IRAK4: variants seen among roughly 807,000 people sequenced by gnomAD.
The protein encoded by IRAK4 is interleukin-1 receptor-associated kinase 4.
A neutral mutation model predicts 51.8 loss-of-function variants in IRAK4; 44 were observed. The observed-to-expected ratio is 0.85, with a 90% CI of 0.67 to 1.09. The LOEUF is 1.09. Among genes scored for constraint, IRAK4 ranks in the 50% least tolerant of loss-of-function variants. The pLI, the probability that IRAK4 is intolerant of heterozygous loss-of-function variation, is 0.00. For synonymous variants in IRAK4, 149 were observed against 174.1 expected, an observed-to-expected ratio of 0.86 and a Z score of 1.13; for missense variants, 487 against 538.0, an observed-to-expected ratio of 0.91 and a Z score of 0.94.
chr12:43,769,067 A>G (rs939362057), intron 2 of IRAK4, among the ~76,000 whole-genome samples: 12 of 152,202 alleles, frequency 7.9e-5, no homozygotes, highest in Non-Finnish European at 1.8e-4. Flanking sequence ...ATGTTTAAAG[A>G]TAATTTTTTG....
intron 8 of IRAK4, among the ~76,000 whole-genome samples, chr12:43,780,998 C>T (rs907244245): frequency 2.6e-5 from 4 of 152,218 alleles, no homozygotes; most frequent in Non-Finnish European, 5.9e-5. Context: ...AAAAACACTT[C>T]ATCTGGGTAT....
In IRAK4 at chr12:43,772,344, T is replaced by A; in HGVS notation, c.472T>A (p.Leu158Ile). 6.2e-7 allele frequency: 1 copy of A among 1,612,722 alleles called. No homozygotes were observed. The change falls in exon 4 of 12, where the codon TTA becomes ATA. Residue 158 changes from leucine to isoleucine, a missense_variant. By Grantham distance (5) the Leu-to-Ile change is conservative (BLOSUM62 2). Transcript: ENST00000613694. The stretch of plus-strand genomic sequence containing the variant: ...CTCCTCAAGTCCAGAAAATAAAAGT[T>A]TAGAAGTTAGTGATACACGTAAGTA... ...PDSSSPENKS[L>I]EVSDTRFHSF...
chr12:43,759,967 G>C (rs1348577112), intron 1 of IRAK4, among the ~76,000 whole-genome samples: 2 of 151,938 alleles, frequency 1.3e-5, no homozygotes, highest in African/African-American at 4.8e-5. Flanking sequence ...CTTCAAAAAC[G>C]TAACTGCCCA....
rs1258450882 is a variant in IRAK4, at chr12:43,787,688, C to A, written c.*973C>A. ...ACAGCCTGGGCTGACACCTGGATTT[C>A]AGCTTTGCATGATCCTCAGTATGAG... On this transcript the variant is annotated 3_prime_UTR_variant, in exon 12 of 12. Transcript: ENST00000613694. The A allele has an allele frequency of 6.6e-6, 1 of 152,296 alleles. No individual in the cohort carries two copies. The highest frequency in any genetic ancestry group is 1.5e-5 in the Non-Finnish European group (1 of 68,114). 9.4% of individuals were successfully genotyped at this position (152,296 alleles called of 1,614,324 possible).
chr12:43,780,654 C>T (rs1461179815), intron 8 of IRAK4, among the ~76,000 whole-genome samples: 4 of 151,844 alleles, frequency 2.6e-5, no homozygotes, highest in Non-Finnish European at 4.4e-5. Flanking sequence ...TCACTGCAAC[C>T]GTCGCCTCCC....
chr12:43,778,754 T>C (rs534267235), intron 8 of IRAK4, among the ~76,000 whole-genome samples: 3 of 151,876 alleles, frequency 2.0e-5, no homozygotes, highest in Non-Finnish European at 4.4e-5. Flanking sequence ...TTATAGAATG[T>C]TAATATGTAC....
intron 6 of IRAK4, 48 bp from the exon 7 acceptor site, chr12:43,777,582 A>C: frequency 6.5e-7 from 1 of 1,528,462 alleles, no homozygotes; most frequent in Non-Finnish European, 8.9e-7. Context: ...CCTATAGCTG[A>C]ATATATATTT....
intron 6 of IRAK4, among the ~76,000 whole-genome samples, chr12:43,775,461 A>G (rs1300592390): frequency 1.3e-5 from 2 of 152,172 alleles, no homozygotes; most frequent in African/African-American, 4.8e-5. Context: ...CCATCTCTCA[A>G]ATATATCACT....
chr12:43,769,970 T>C (rs1940577998), intron 2 of IRAK4, among the ~76,000 whole-genome samples: 1 of 152,082 alleles, frequency 6.6e-6, no homozygotes, highest in African/African-American at 2.4e-5. Flanking sequence ...CAGACACAGA[T>C]TGAAAGAGAG....
At position 43,780,572 on chromosome 12, in the gene IRAK4, CT is replaced by C. The variant is rs530751019; in HGVS notation, c.942-1718del. On this transcript the variant is annotated intron_variant, in intron 8 of 11. Transcript: ENST00000613694. ...ATTGTCTCTTTTCTCCCTGTATGTT[CT>C]TTTTTTTTTTTTTTTTGAGACAAGT... Among the ~76,000 whole-genome samples, 925 of 134,034 alleles carry C rather than the reference CT, an allele frequency of 6.9e-3. 7 individuals carry two copies. Among genetic ancestry groups the C allele is most frequent in the African/African-American group, 0.016 (603 of 36,652 alleles). The allele number at this position is 134,034 out of a possible 152,430, so 87.9% of individuals were successfully genotyped here. A position where few individuals can be genotyped will look rare whatever the true frequency, so the allele number is the denominator to read the frequency against.
At chr12:43,783,040 G>A (rs1592258497) in intron 9 of IRAK4, among the ~76,000 whole-genome samples, 1 of 152,076 alleles carries the variant, frequency 6.6e-6, no homozygotes, top group African/African-American at 2.4e-5. Flanking sequence ...TCCCCAAGAG[G>A]CAGGAAAAGG....
intron 10 of IRAK4, among the ~76,000 whole-genome samples, chr12:43,785,618 A>G (rs985935084): frequency 4.1e-5 from 6 of 144,966 alleles, no homozygotes; most frequent in Non-Finnish European, 8.9e-5. Context: ...GTATATATAT[A>G]TGTGTGTATA....
In IRAK4 at chr12:43,782,422, GC is replaced by G; in HGVS notation, c.1058del (p.Ala353ValfsTer12). On this transcript the variant is annotated frameshift_variant, in exon 9 of 12. Coordinates refer to ENST00000613694, the MANE Select transcript of IRAK4 (RefSeq NM_016123.4). LOFTEE classifies it high-confidence loss of function. ...GACTAGCAGAATTGTGGGAACAACA[GC>G]TTATATGGCACCAGAAGCTTTGCGT... Reference protein sequence around the residue: ...VMTSRIVGTTAYMAPEALRGE... With the variant: ...VMTSRIVGTTXYMAPEALRGE... 1 of 1,613,920 alleles carries G rather than the reference GC, an allele frequency of 6.2e-7. No homozygotes were observed. The highest frequency in any genetic ancestry group is 8.5e-7 in the Non-Finnish European group (1 of 1,179,866).
chr12:43,770,658 CTTG>C (rs566660102), intron 2 of IRAK4, among the ~76,000 whole-genome samples: 5 of 152,218 alleles, frequency 3.3e-5, no homozygotes, highest in African/African-American at 9.6e-5. Flanking sequence ...TGCTGGTTCT[CTTG>C]TTGTCCCTTT....
At chr12:43,779,886 A>G (rs889889985) in intron 8 of IRAK4, among the ~76,000 whole-genome samples, 1 of 152,230 alleles carries the variant, frequency 6.6e-6, no homozygotes, top group Admixed American at 6.5e-5. Context: ...TATTACTTGC[A>G]TACAGGTGAT....
chr12:43,777,020 G>C lies in IRAK4; in HGVS notation c.717-610G>C, dbSNP rs4251577. On this transcript the variant is annotated intron_variant, in intron 6 of 11. Transcript: ENST00000613694. ...ATCATTGAAAATTGGGCTAAAGAAA[G>C]TGAGCATCAGCCTAGTCCTTAACCA... 8.5e-4 allele frequency among the ~76,000 whole-genome samples: 129 copies of C among 152,328 alleles called. 1 individual carries two copies. In the Middle Eastern group the frequency reaches 0.01, roughly 12 times the overall value.
rs142376871 is a variant in IRAK4 at position 43,782,428 on chromosome 12, A to G, written c.1063A>G (p.Met355Val). 1.9e-5 allele frequency: 30 copies of G among 1,613,978 alleles called. No homozygotes were observed. Among genetic ancestry groups the G allele is most frequent in the Non-Finnish European group, 2.5e-5 (30 of 1,179,860 alleles). Residue 355 changes from methionine to valine, a missense_variant, in exon 9 of 12, where the codon ATG becomes GTG. Met to Val is a conservative substitution (Grantham distance 21, BLOSUM62 1). Coordinates refer to ENST00000613694, the MANE Select transcript of IRAK4 (RefSeq NM_016123.4). ...TSRIVGTTAY[M>V]APEALRGEIT... ...CAGAATTGTGGGAACAACAGCTTATATGGCACCAGAAGCTTTGCGTGGAGA... is the reference window on the plus strand; with the variant it reads ...CAGAATTGTGGGAACAACAGCTTATGTGGCACCAGAAGCTTTGCGTGGAGA...
intron 10 of IRAK4, among the ~76,000 whole-genome samples, chr12:43,784,550 T>C (rs193034950): frequency 3.0e-4 from 46 of 152,348 alleles, no homozygotes; most frequent in African/African-American, 1.1e-3. Context: ...TGAACCCAGA[T>C]TGATTCACTA....
intron 8 of IRAK4, among the ~76,000 whole-genome samples, chr12:43,779,524 A>G (rs1429080705): frequency 3.3e-5 from 5 of 152,222 alleles, no homozygotes; most frequent in Non-Finnish European, 5.9e-5. Context: ...TTAGTAGGCT[A>G]TCATAGGTGG....
Sources: gnomAD v4.1 joint callset for allele counts (sites outside exome capture counted in the v4.1 genomes callset) on GRCh38, gnomAD v4.1.1 for gene constraint, MANE v1.5 for transcripts, NCBI Gene and HGNC (gene_info 2026-07-23, HGNC 2026-07-21) for gene names.